The following SKAP2 variants were observed in gnomAD, a reference collection of about 807,000 sequenced individuals.
SKAP2 encodes src kinase associated phosphoprotein 2.
SKAP2 carries 28 observed loss-of-function variants against 54.9 expected under a neutral mutation model. The ratio of observed to expected loss-of-function variants is 0.51; its 90% CI spans 0.38 to 0.70. The LOEUF is 0.70. Among genes scored for constraint, SKAP2 ranks in the 30% least tolerant of loss-of-function variants. The pLI is 0.00. For missense variants in SKAP2, 356 were observed against 424.1 expected, an observed-to-expected ratio of 0.84 and a Z score of 1.41; for synonymous variants, 137 against 134.3, an observed-to-expected ratio of 1.02 and a Z score of -0.14.
chr7:26,686,999 C>T (rs1167921606), intron 10 of SKAP2, among the ~76,000 whole-genome samples: 2 of 151,974 alleles, frequency 1.3e-5, no homozygotes, highest in African/African-American at 4.8e-5. Context: ...TGTCCCATTG[C>T]GTTCCCCAGC....
At chr7:26,718,369 T>C (rs1039829685) in intron 9 of SKAP2, among the ~76,000 whole-genome samples, 1 of 152,050 alleles carries the variant, frequency 6.6e-6, no homozygotes, top group African/African-American at 2.4e-5. Flanking sequence ...GGATCTCTTT[T>C]TTGTTTTAAA....
At chr7:26,790,341 T>G (rs1002654226) in intron 4 of SKAP2, among the ~76,000 whole-genome samples, 5 of 152,296 alleles carry the variant, frequency 3.3e-5, no homozygotes, top group African/African-American at 1.2e-4. Context: ...TTTGGTGTCG[T>G]TCACATCAAA....
chr7:26,680,349 G>A (rs193099152), intron 11 of SKAP2, among the ~76,000 whole-genome samples: 248 of 152,248 alleles, frequency 1.6e-3, no homozygotes, highest in African/African-American at 5.7e-3. Context: ...ATGGTTCTAG[G>A]AAAATACTGT....
chr7:26,704,114 GCTAA>G (rs761051941), intron 9 of SKAP2, among the ~76,000 whole-genome samples: 6 of 152,038 alleles, frequency 3.9e-5, no homozygotes, highest in Admixed American at 1.3e-4. Flanking sequence ...AAATAATTTG[GCTAA>G]CTGACAATCG....
intron 4 of SKAP2, among the ~76,000 whole-genome samples, chr7:26,842,676 A>C (rs1426937797): frequency 6.6e-6 from 1 of 151,930 alleles, no homozygotes; most frequent in African/African-American, 2.4e-5. Context: ...CATTTTACAG[A>C]GAAATAAAGC....
chr7:26,672,306 A>C (rs554625375), intron 11 of SKAP2, among the ~76,000 whole-genome samples: 1 of 152,214 alleles, frequency 6.6e-6, no homozygotes, highest in Non-Finnish European at 1.5e-5. Context: ...TTAAGAAATT[A>C]GTTCCCAAGA....
chr7:26,714,875 G>A (rs1787397369), intron 9 of SKAP2, among the ~76,000 whole-genome samples: 1 of 152,126 alleles, frequency 6.6e-6, no homozygotes, highest in South Asian at 2.1e-4. Context: ...AAAGCAGGCT[G>A]TGATCTGTTT....
chr7:26,839,836 T>C (rs903161412), intron 4 of SKAP2, among the ~76,000 whole-genome samples: 1 of 152,078 alleles, frequency 6.6e-6, no homozygotes, highest in African/African-American at 2.4e-5. Flanking sequence ...GACAGGTTTA[T>C]ATCTAAGCCT....
chr7:26,838,309 T>C (rs761284563), intron 4 of SKAP2, among the ~76,000 whole-genome samples: 11 of 152,054 alleles, frequency 7.2e-5, no homozygotes, highest in Non-Finnish European at 1.3e-4. Context: ...CTCCTTCCTA[T>C]TCAATACCAC....
chr7:26,840,658 C>T (rs1163126524), intron 4 of SKAP2, among the ~76,000 whole-genome samples: 1 of 151,992 alleles, frequency 6.6e-6, no homozygotes, highest in Non-Finnish European at 1.5e-5. Context: ...CATAAAACTT[C>T]TAACAGTGAT....
At chr7:26,818,962 A>G (rs563835755) in intron 4 of SKAP2, among the ~76,000 whole-genome samples, 1 of 152,312 alleles carries the variant, frequency 6.6e-6, no homozygotes, top group African/African-American at 2.4e-5. Context: ...AAATGCTTTT[A>G]CACTGTTCGT....
intron 6 of SKAP2, among the ~76,000 whole-genome samples, chr7:26,734,140 A>C (rs1787875787): frequency 6.6e-6 from 1 of 152,134 alleles, no homozygotes; most frequent in Non-Finnish European, 1.5e-5. Flanking sequence ...ATCTGCATTA[A>C]ATCCTCGCTC....
At chr7:26,821,887 T>C (rs1276162438) in intron 4 of SKAP2, among the ~76,000 whole-genome samples, 1 of 152,186 alleles carries the variant, frequency 6.6e-6, no homozygotes, top group African/African-American at 2.4e-5. Context: ...TCCTTTCTTC[T>C]ACACTTCCAG....
At chr7:26,762,376 T>C (rs1355675010) in intron 4 of SKAP2, among the ~76,000 whole-genome samples, 1 of 152,228 alleles carries the variant, frequency 6.6e-6, no homozygotes, top group Non-Finnish European at 1.5e-5. Context: ...TAGCTGTCTT[T>C]GAACTGCCTT....
At chr7:26,722,806 A>C (rs539578595) in intron 9 of SKAP2, among the ~76,000 whole-genome samples, 9 of 152,354 alleles carry the variant, frequency 5.9e-5, no homozygotes, top group South Asian at 4.1e-4. Context: ...TATTAGAGTA[A>C]GAGCTTTCGT....
intron 9 of SKAP2, among the ~76,000 whole-genome samples, chr7:26,723,691 ATTCCTGATCAATTTTTTTT>A: frequency 6.6e-6 from 1 of 151,028 alleles, no homozygotes. Flanking sequence ...TCTGGTCTTT[ATTCCTGATCAATTTTTTTT>A]TTCTTTAGGG....
intron 1 of SKAP2, among the ~76,000 whole-genome samples, chr7:26,863,483 G>A (rs1023887297): frequency 6.6e-6 from 1 of 152,088 alleles, no homozygotes; most frequent in Non-Finnish European, 1.5e-5. Context: ...TAAGATTTGT[G>A]CTACCTTAAA....
At chr7:26,862,237 C>G (rs980148820) in intron 1 of SKAP2, among the ~76,000 whole-genome samples, 12 of 152,026 alleles carry the variant, frequency 7.9e-5, no homozygotes, top group African/African-American at 2.9e-4. Flanking sequence ...CTGACAGCAT[C>G]TATTCTTGAA....
chr7:26,659,685 CCA>C, the SKAP2 span, among the ~76,000 whole-genome samples: 6 of 152,000 alleles, frequency 3.9e-5, no homozygotes, highest in African/African-American at 1.4e-4. Context: ...AAAGAAACAA[CCA>C]GCTCCCATTC....
Sources: gnomAD v4.1 joint callset for allele counts (sites outside exome capture counted in the v4.1 genomes callset) on GRCh38, gnomAD v4.1.1 for gene constraint, MANE v1.5 for transcripts, NCBI Gene and HGNC (gene_info 2026-07-23, HGNC 2026-07-21) for gene names.